LRMDA: variants seen among roughly 807,000 people sequenced by gnomAD.
LRMDA encodes leucine rich melanocyte differentiation associated.
A neutral mutation model predicts 29.8 loss-of-function variants in LRMDA; 18 were observed. That is an observed-to-expected ratio of 0.60 (90% confidence interval 0.42 to 0.90). The LOEUF is 0.90. Among genes scored for constraint, LRMDA ranks in the 40% least tolerant of loss-of-function variants. The pLI is 0.00. For missense variants in LRMDA, 273 were observed against 273.9 expected, an observed-to-expected ratio of 1.00 and a Z score of 0.02; for synonymous variants, 125 against 109.4, an observed-to-expected ratio of 1.14 and a Z score of -0.89.
rs1463696612 is a variant in LRMDA at position 76,149,019 on chromosome 10, A to G, written c.516+90236A>G. On this transcript the variant is annotated intron_variant, in intron 5 of 6. Coordinates refer to ENST00000611255, the MANE Select transcript of LRMDA (RefSeq NM_001305581.2). ...CTAGTTTAACATTCCCACCAGCAAAATAGTAGAGTTTCTGTGTATATACAT... is the reference window on the plus strand; with the variant it reads ...CTAGTTTAACATTCCCACCAGCAAAGTAGTAGAGTTTCTGTGTATATACAT... Among the ~76,000 whole-genome samples the G allele has an allele frequency of 1.3e-5, 2 of 152,172 alleles. 1 individual carries two copies. Among genetic ancestry groups the G allele is most frequent in the South Asian group, 4.1e-4 (2 of 4,830 alleles).
chr10:76,114,881 C>A (rs960696889), intron 5 of LRMDA, among the ~76,000 whole-genome samples: 1 of 152,176 alleles, frequency 6.6e-6, no homozygotes, highest in African/African-American at 2.4e-5. Flanking sequence ...GCTTGCTTGT[C>A]CCCCCTGAAG....
chr10:75,788,538 C>G (rs1238664201), intron 2 of LRMDA, among the ~76,000 whole-genome samples: 1 of 152,228 alleles, frequency 6.6e-6, no homozygotes, highest in East Asian at 1.9e-4. Flanking sequence ...TGTGCTAAAG[C>G]CAGCTCACCC....
At chr10:75,870,926 C>T (rs1441807086) in intron 2 of LRMDA, among the ~76,000 whole-genome samples, 1 of 150,214 alleles carries the variant, frequency 6.7e-6, no homozygotes, top group Non-Finnish European at 1.5e-5. Context: ...TCCCTCACAC[C>T]CCTTTGTTCT....
At chr10:75,909,914 G>A (rs1430828236) in intron 2 of LRMDA, among the ~76,000 whole-genome samples, 1 of 152,326 alleles carries the variant, frequency 6.6e-6, no homozygotes, top group African/African-American at 2.4e-5. Flanking sequence ...ACTTCAATGT[G>A]TAGGGAATGA....
chr10:75,563,302 T>G (rs1477406252), intron 2 of LRMDA, among the ~76,000 whole-genome samples: 1 of 152,156 alleles, frequency 6.6e-6, no homozygotes, highest in Non-Finnish European at 1.5e-5. Flanking sequence ...ACTGATACCC[T>G]TTCTTCCATT....
intron 5 of LRMDA, among the ~76,000 whole-genome samples, chr10:76,083,833 C>A (rs1329022960): frequency 2.1e-3 from 245 of 116,728 alleles, no homozygotes; most frequent in East Asian, 3.5e-3. Context: ...GACTGCATCT[C>A]AAAAAAAAAA....
intron 2 of LRMDA, among the ~76,000 whole-genome samples, chr10:75,581,991 A>G (rs1031453693): frequency 6.6e-6 from 1 of 152,220 alleles, no homozygotes; most frequent in Non-Finnish European, 1.5e-5. Flanking sequence ...CACATCCAGG[A>G]CACACTGATG....
intron 4 of LRMDA, among the ~76,000 whole-genome samples, chr10:76,052,685 G>T (rs1257787050): frequency 6.6e-6 from 1 of 152,242 alleles, no homozygotes; most frequent in Non-Finnish European, 1.5e-5. Flanking sequence ...GACCTGAAAA[G>T]CTCAATGTGC....
At chr10:75,847,334 A>G (rs754892385) in intron 2 of LRMDA, among the ~76,000 whole-genome samples, 30 of 152,344 alleles carry the variant, frequency 2.0e-4, no homozygotes, top group Non-Finnish European at 4.1e-4. Flanking sequence ...TCCTAACTTC[A>G]TATTATATAC....
intron 2 of LRMDA, among the ~76,000 whole-genome samples, chr10:75,485,937 T>C (rs574425777): frequency 6.6e-6 from 1 of 152,314 alleles, no homozygotes; most frequent in Non-Finnish European, 1.5e-5. Context: ...TTGCTTTCCT[T>C]GTTTATTTTT....
chr10:75,820,439 C>G (rs541562091), intron 2 of LRMDA, among the ~76,000 whole-genome samples: 1 of 152,108 alleles, frequency 6.6e-6, no homozygotes, highest in African/African-American at 2.4e-5. Flanking sequence ...TGGAAAAAAA[C>G]CCAATTTTCT....
chr10:76,130,950 A>C (rs934850744), intron 5 of LRMDA, among the ~76,000 whole-genome samples: 1 of 152,194 alleles, frequency 6.6e-6, no homozygotes, highest in Non-Finnish European at 1.5e-5. Flanking sequence ...GGTGTGAGCC[A>C]CCATGCCTGG....
chr10:75,456,157 G>A (rs1844513350), intron 2 of LRMDA, among the ~76,000 whole-genome samples: 3 of 152,242 alleles, frequency 2.0e-5, no homozygotes, highest in Admixed American at 2.0e-4. Flanking sequence ...GAGTTGCGGG[G>A]GAGACAAGCC....
chr10:76,035,505 C>T (rs898905467), intron 2 of LRMDA, among the ~76,000 whole-genome samples: 1 of 151,988 alleles, frequency 6.6e-6, no homozygotes, highest in African/African-American at 2.4e-5. Flanking sequence ...GTTTCCCCCG[C>T]GACTGTACAG....
intron 2 of LRMDA, among the ~76,000 whole-genome samples, chr10:75,724,075 A>G (rs906070417): frequency 1.3e-5 from 2 of 152,172 alleles, no homozygotes; most frequent in Admixed American, 1.3e-4. Flanking sequence ...TTTTTTTGCC[A>G]TGAACCATAG....
At chr10:76,479,717 G>C (rs903474419) in intron 6 of LRMDA, among the ~76,000 whole-genome samples, 1 of 151,898 alleles carries the variant, frequency 6.6e-6, no homozygotes, top group African/African-American at 2.4e-5. Context: ...CAAAAAATTT[G>C]CTTTGATTTA....
intron 2 of LRMDA, among the ~76,000 whole-genome samples, chr10:75,898,233 G>GA (rs1163262046): frequency 6.6e-6 from 1 of 152,074 alleles, no homozygotes; most frequent in Non-Finnish European, 1.5e-5. Flanking sequence ...CTTAGTCCAA[G>GA]AATTTAAAAA....
chr10:75,759,031 T>A (rs1310053072), intron 2 of LRMDA, among the ~76,000 whole-genome samples: 1 of 152,166 alleles, frequency 6.6e-6, no homozygotes, highest in Non-Finnish European at 1.5e-5. Context: ...GTCCTATATA[T>A]CCACATCTAT....
At chr10:76,230,246 C>G (rs1852033557) in intron 5 of LRMDA, among the ~76,000 whole-genome samples, 1 of 152,158 alleles carries the variant, frequency 6.6e-6, no homozygotes, top group Non-Finnish European at 1.5e-5. Flanking sequence ...TCAGTTGCTT[C>G]CACACATATT....
Sources: gnomAD v4.1 joint callset for allele counts (sites outside exome capture counted in the v4.1 genomes callset) on GRCh38, gnomAD v4.1.1 for gene constraint, MANE v1.5 for transcripts, NCBI Gene and HGNC (gene_info 2026-07-23, HGNC 2026-07-21) for gene names.